The following CREB5 variants were observed in gnomAD, a reference collection of about 807,000 sequenced individuals.
CREB5 encodes cAMP responsive element binding protein 5.
CREB5 carries 19 observed loss-of-function variants against 57.1 expected under a neutral mutation model. That is an observed-to-expected ratio of 0.33 (90% CI 0.23 to 0.49). The LOEUF (loss-of-function observed/expected upper bound fraction) is 0.49. Ranked by LOEUF, CREB5 falls within the 20% of genes least tolerant of loss-of-function variation. The pLI, the probability that CREB5 is intolerant of heterozygous loss-of-function variation, is 0.99. For synonymous variants in CREB5, 238 were observed against 238.3 expected, an observed-to-expected ratio of 1.00 and a Z score of 0.01; for missense variants, 579 against 671.6, an observed-to-expected ratio of 0.86 and a Z score of 1.52.
At chr7:28,320,405 G>C (rs910890934) in intron 1 of CREB5, among the ~76,000 whole-genome samples, 3 of 152,068 alleles carry the variant, frequency 2.0e-5, no homozygotes, top group Non-Finnish European at 4.4e-5. Flanking sequence ...GTGGCTGCAG[G>C]GATAAAAGCC....
At chr7:28,782,859 T>C (rs1807070465) in intron 7 of CREB5, among the ~76,000 whole-genome samples, 1 of 152,162 alleles carries the variant, frequency 6.6e-6, no homozygotes, top group Admixed American at 6.6e-5. Flanking sequence ...GGGGCGACAG[T>C]CCAGGAGTCA....
chr7:28,556,589 A>G (rs780802483), intron 4 of CREB5, among the ~76,000 whole-genome samples: 47 of 152,126 alleles, frequency 3.1e-4, no homozygotes, highest in Non-Finnish European at 6.3e-4. Flanking sequence ...ATTTTCTCTA[A>G]TGAACATGTG....
intron 5 of CREB5, among the ~76,000 whole-genome samples, chr7:28,684,386 T>C (rs1052360099): frequency 2.0e-5 from 3 of 152,170 alleles, no homozygotes; most frequent in East Asian, 1.9e-4. Context: ...TCAGCATCAA[T>C]TGAGGATGTC....
chr7:28,357,245 G>T (rs777912714), intron 1 of CREB5, among the ~76,000 whole-genome samples: 2 of 152,162 alleles, frequency 1.3e-5, no homozygotes, highest in African/African-American at 2.4e-5. Flanking sequence ...TCTTCAGCAT[G>T]GATCTAGATT....
intron 4 of CREB5, among the ~76,000 whole-genome samples, chr7:28,545,293 T>G (rs1411444589): frequency 6.6e-6 from 1 of 152,250 alleles, no homozygotes; most frequent in Non-Finnish European, 1.5e-5. Context: ...CCCCTACTTT[T>G]GGAAGTTCTT....
At chr7:28,348,071 G>A (rs1007075700) in intron 1 of CREB5, among the ~76,000 whole-genome samples, 4 of 152,164 alleles carry the variant, frequency 2.6e-5, no homozygotes, top group East Asian at 1.9e-4. Context: ...GGTTGGGCAT[G>A]GGCTATGTTC....
intron 1 of CREB5, among the ~76,000 whole-genome samples, chr7:28,446,164 C>T (rs142398562): frequency 3.3e-5 from 5 of 152,256 alleles, no homozygotes; most frequent in Non-Finnish European, 7.4e-5. Flanking sequence ...CCCACTGTTT[C>T]CTTGTTGTTT....
At chr7:28,647,667 A>G (rs917402016) in intron 5 of CREB5, among the ~76,000 whole-genome samples, 1 of 152,216 alleles carries the variant, frequency 6.6e-6, no homozygotes, top group South Asian at 2.1e-4. Flanking sequence ...ATTGACAGAC[A>G]TAACTGCATT....
intron 1 of CREB5, among the ~76,000 whole-genome samples, chr7:28,325,454 CAA>C (rs59632895): frequency 0.24 from 31,938 of 135,572 alleles, 3,796 homozygotes; most frequent in African/African-American, 0.34. Flanking sequence ...GACTCCATCT[CAA>C]AAAAAAAAAA....
intron 1 of CREB5, among the ~76,000 whole-genome samples, chr7:28,393,851 G>T (rs1370165606): frequency 2.0e-5 from 3 of 152,090 alleles, no homozygotes; most frequent in Non-Finnish European, 2.9e-5. Flanking sequence ...AAGGTAGGTG[G>T]ATCACCTGAG....
At chr7:28,537,088 CA>C (rs1264231165) in intron 4 of CREB5, among the ~76,000 whole-genome samples, 3 of 152,192 alleles carry the variant, frequency 2.0e-5, no homozygotes, top group African/African-American at 7.2e-5. Flanking sequence ...GGATTGGCTC[CA>C]TTTTTAAGGT....
At chr7:28,401,139 C>T (rs1010169801) in intron 1 of CREB5, among the ~76,000 whole-genome samples, 3 of 152,076 alleles carry the variant, frequency 2.0e-5, no homozygotes, top group African/African-American at 4.8e-5. Context: ...TTCCTTTAAT[C>T]GAGTCGCTTT....
intron 7 of CREB5, among the ~76,000 whole-genome samples, chr7:28,732,721 T>TTTTTTA (rs1803724547): frequency 2.2e-5 from 1 of 45,618 alleles, no homozygotes; most frequent in African/African-American, 8.0e-5. Context: ...TCTGTCTTGC[T>TTTTTTA]TTTTTTTTTT....
At chr7:28,346,491 G>C (rs1309257039) in intron 1 of CREB5, among the ~76,000 whole-genome samples, 1 of 152,180 alleles carries the variant, frequency 6.6e-6, no homozygotes, top group African/African-American at 2.4e-5. Flanking sequence ...TCACCTTAGG[G>C]GTTAGGATTT....
chr7:28,617,366 GT>G (rs1274807145), intron 5 of CREB5, among the ~76,000 whole-genome samples: 6 of 152,318 alleles, frequency 3.9e-5, no homozygotes, highest in South Asian at 2.1e-4. Context: ...ATGAGGACTG[GT>G]TTGAGGACAG....
chr7:28,541,355 A>G (rs1444615087), intron 4 of CREB5, among the ~76,000 whole-genome samples: 2 of 152,158 alleles, frequency 1.3e-5, no homozygotes, highest in Admixed American at 6.5e-5. Context: ...CCCAGTCAGC[A>G]GACCCCACTC....
upstream of CREB5, chr7:28,410,777 GT>G (rs1259473619): frequency 2.8e-6 from 1 of 353,314 alleles, no homozygotes; most frequent in African/African-American, 2.1e-5. Flanking sequence ...GCCAGTAAGT[GT>G]TTGATTAACG....
intron 5 of CREB5, among the ~76,000 whole-genome samples, chr7:28,650,647 C>T (rs1398540125): frequency 6.6e-6 from 1 of 152,062 alleles, no homozygotes; most frequent in African/African-American, 2.4e-5. Context: ...AACAAATCAT[C>T]ATAAGGTTAT....
chr7:28,556,184 C>T (rs766451621), intron 4 of CREB5, among the ~76,000 whole-genome samples: 4 of 152,114 alleles, frequency 2.6e-5, no homozygotes, highest in African/African-American at 7.2e-5. Context: ...GAGTTGAGCT[C>T]GGCACGGTAA....
Sources: gnomAD v4.1 joint callset for allele counts (sites outside exome capture counted in the v4.1 genomes callset) on GRCh38, gnomAD v4.1.1 for gene constraint, MANE v1.5 for transcripts, NCBI Gene and HGNC (gene_info 2026-07-23, HGNC 2026-07-21) for gene names.